Variants in DOCK7 observed in about 807,000 individuals in gnomAD.
The protein encoded by DOCK7 is dedicator of cytokinesis 7.
A neutral mutation model predicts 271.0 loss-of-function variants in DOCK7; 138 were observed. The ratio of observed to expected loss-of-function variants is 0.51; its 90% CI spans 0.44 to 0.59. The LOEUF is 0.59. Ranked by LOEUF, DOCK7 falls within the 20% of genes least tolerant of loss-of-function variation. The pLI is 0.00. For missense variants in DOCK7, 2,066 were observed against 2,592.4 expected (o/e 0.80, Z 4.41); for synonymous variants, 823 against 876.1 (o/e 0.94, Z 1.07).
In DOCK7 at chr1:62,603,597, T is replaced by A. The variant is rs537040389; in HGVS notation, c.1682+15109A>T. 1.4e-4 allele frequency among the ~76,000 whole-genome samples: 21 copies of A among 151,896 alleles called. No homozygotes were observed. In the East Asian group the frequency reaches 3.5e-3, roughly 25 times the overall value. On this transcript the variant is annotated intron_variant, in intron 14 of 49. Transcript: ENST00000635253. ...ATACTTAACACATCTCTTGACTGTA[T>A]ATGGATGTTAATAAATAGCTGACAG...
chr1:62,588,440 C>T (rs993473883), intron 14 of DOCK7, among the ~76,000 whole-genome samples: 3 of 152,148 alleles, frequency 2.0e-5, no homozygotes, highest in African/African-American at 4.8e-5. Flanking sequence ...TATAAGATCC[C>T]CCATCTTTTC....
In DOCK7 at chr1:62,656,894, G is replaced by C. The variant is rs193145306; in HGVS notation, c.145-2735C>G. ...ACATTTAGACTATAACTGCACAAAG[G>C]CCAAGTGGGGAGCTAGATTTCTTCC... On this transcript the variant is annotated intron_variant, in intron 2 of 49. Coordinates refer to ENST00000635253, the MANE Select transcript of DOCK7 (RefSeq NM_001367561.1). Among the ~76,000 whole-genome samples, 3 of 152,174 alleles carry C rather than the reference G, an allele frequency of 2.0e-5. No homozygotes were observed. The South Asian group carries it at 6.2e-4, about 32-fold the overall frequency.
chr1:62,462,070 CA>C (rs71662374), intron 48 of DOCK7, among the ~76,000 whole-genome samples: 51,556 of 133,674 alleles, frequency 0.39, 9,219 homozygotes, highest in African/African-American at 0.46. Context: ...AAACTCATCT[CA>C]AAAAAAAAAA....
At chr1:62,466,845 C>T (rs1645692072) in intron 48 of DOCK7, among the ~76,000 whole-genome samples, 1 of 151,804 alleles carries the variant, frequency 6.6e-6, no homozygotes, top group Non-Finnish European at 1.5e-5. Context: ...CACTTGAACC[C>T]GGGAGGCGAT....
intron 21 of DOCK7, among the ~76,000 whole-genome samples, chr1:62,553,894 A>G (rs1237166871): frequency 6.6e-6 from 1 of 151,768 alleles, no homozygotes; most frequent in African/African-American, 2.4e-5. Flanking sequence ...TCACTTCGGT[A>G]TAGTTGGTAT....
intron 31 of DOCK7, among the ~76,000 whole-genome samples, chr1:62,517,271 C>G (rs1018411575): frequency 6.6e-6 from 1 of 151,996 alleles, no homozygotes; most frequent in Non-Finnish European, 1.5e-5. Flanking sequence ...CCCACCATGC[C>G]AATTAAAAAA....
Position 62,633,505 on chromosome 1 carries a change from G to A in DOCK7, c.1109C>T (p.Ala370Val), listed in dbSNP as rs1269386387. 1.2e-6 allele frequency: 2 copies of A among 1,607,564 alleles called. No homozygotes were observed. The highest frequency in any genetic ancestry group is 1.3e-5 in the African/African-American group (1 of 74,850). Reference protein sequence around the residue: ...EPYMIFKEADATKNKEKLEKL... With the variant: ...EPYMIFKEADVTKNKEKLEKL... ...AGAAGCATAACATTCTACCTTGGTG[G>A]CATCTGCTTCTTTGAAAATCATATA... Residue 370 changes from alanine (A) to valine (V), a missense_variant, in exon 10 of 50, where the codon GCC (alanine) becomes GTC (valine). Physicochemically the swap from Ala to Val is moderately conservative, Grantham distance 64. Around this residue, in one of 2 missense-constraint regions of DOCK7, gnomAD observed 1,414 missense variants for 1,670.4 expected, o/e 0.85. Coordinates refer to ENST00000635253, the MANE Select transcript of DOCK7 (RefSeq NM_001367561.1).
At chr1:62,527,245 C>T (rs923522226) in intron 31 of DOCK7, among the ~76,000 whole-genome samples, 4 of 151,972 alleles carry the variant, frequency 2.6e-5, no homozygotes, top group Non-Finnish European at 5.9e-5. Context: ...TAGTAAATAT[C>T]AAGTGTTTTC....
intron 1 of DOCK7, among the ~76,000 whole-genome samples, chr1:62,687,117 T>A (rs1301886296): frequency 6.6e-6 from 1 of 152,042 alleles, no homozygotes; most frequent in Non-Finnish European, 1.5e-5. Flanking sequence ...CTAAAAAGAC[T>A]CAGAGCCACA....
rs879174656 is a variant in DOCK7 at position 62,575,614 on chromosome 1, C to T, written c.2112+1648G>A. Among the ~76,000 whole-genome samples the T allele has an allele frequency of 8.5e-5, 13 of 152,132 alleles. 1 individual carries two copies. Among genetic ancestry groups the T allele is most frequent in the Non-Finnish European group, 4.4e-5 (3 of 68,012 alleles). ...AGTTTTTAGGGAGTCAAAAGTTATA[C>T]GTGGATTTTTCAAGTGCATGCTAGG... On this transcript the variant is annotated intron_variant, in intron 18 of 49. Coordinates refer to ENST00000635253, the MANE Select transcript of DOCK7 (RefSeq NM_001367561.1).
Position 62,648,516 on chromosome 1 carries a change from G to T in DOCK7, c.418C>A (p.Pro140Thr). 3 of 1,410,260 alleles carry T rather than the reference G, an allele frequency of 2.1e-6. No homozygotes were observed. The highest frequency in any genetic ancestry group is 2.8e-6 in the Non-Finnish European group (3 of 1,056,220). 87.4% of individuals were successfully genotyped at this position (1,410,260 alleles called of 1,614,324 possible). Residue 140 changes from proline to threonine, a missense_variant, in exon 5 of 50, where the codon CCC becomes ACC. Pro to Thr is a conservative substitution (Grantham distance 38). Transcript: ENST00000635253. ...KYHKLGTGFN[P>T]NTLDKQKERQ... ...TCTTTCTGTTTATCTAATGTATTGG[G>T]ATTAAATCCTGTTCCCAATTTATGA...
Position 62,477,689 on chromosome 1 carries a change from A to G in DOCK7, c.5634+11T>C. On this transcript the variant is annotated intron_variant, in intron 44 of 49. Transcript: ENST00000635253. ...TAAAGATGACATTTTATGAACCACCACAGCATTCACCTCCAATCTGTGAGA... is the reference window on the plus strand; with the variant it reads ...TAAAGATGACATTTTATGAACCACCGCAGCATTCACCTCCAATCTGTGAGA... 1 of 1,588,994 alleles carries G rather than the reference A, an allele frequency of 6.3e-7. No homozygotes were observed. The highest frequency in any genetic ancestry group is 8.5e-7 in the Non-Finnish European group (1 of 1,170,538).
chr1:62,619,715 C>A (rs942198658), intron 13 of DOCK7, among the ~76,000 whole-genome samples, 185 bp downstream of exon 13: 25 of 151,962 alleles, frequency 1.6e-4, no homozygotes, highest in African/African-American at 5.3e-4. Context: ...ACCAAAGATG[C>A]TGAATCCTGC....
chr1:62,486,329 C>G (rs1228972296), intron 43 of DOCK7: 1 of 152,014 alleles, frequency 6.6e-6, no homozygotes, highest in Non-Finnish European at 1.5e-5. Flanking sequence ...CCAAGGTTTT[C>G]TATTTGGGTC....
intron 1 of DOCK7, among the ~76,000 whole-genome samples, chr1:62,676,223 T>C (rs997614856): frequency 6.6e-6 from 1 of 152,220 alleles, no homozygotes; most frequent in East Asian, 1.9e-4. Context: ...TACTGATATA[T>C]GCACAGATGA....
chr1:62,638,390 A>T (rs756484064), intron 7 of DOCK7: 4 of 151,902 alleles, frequency 2.6e-5, no homozygotes, highest in African/African-American at 9.7e-5. Flanking sequence ...CTATAAGATC[A>T]TAAAGATATC....
chr1:62,634,955 A>G (rs778894366), intron 8 of DOCK7, 33 bp from the exon 9 acceptor site: 91 of 1,477,636 alleles, frequency 6.2e-5, no homozygotes, highest in Non-Finnish European at 7.6e-5. Flanking sequence ...ACTTTAAAAT[A>G]TGTACATTTT....
At chr1:62,532,303 G>A (rs1468784230) in intron 29 of DOCK7, among the ~76,000 whole-genome samples, 1 of 152,114 alleles carries the variant, frequency 6.6e-6, no homozygotes, top group Non-Finnish European at 1.5e-5. Context: ...CCAAAGTGCT[G>A]AGATTGTAGG....
At chr1:62,467,945 T>C (rs1465345580) in intron 48 of DOCK7, among the ~76,000 whole-genome samples, 1 of 152,052 alleles carries the variant, frequency 6.6e-6, no homozygotes, top group Non-Finnish European at 1.5e-5. Flanking sequence ...GCAGGGATGG[T>C]TTAACATACA....
Sources: gnomAD v4.1 joint callset for allele counts (sites outside exome capture counted in the v4.1 genomes callset) on GRCh38, gnomAD v4.1.1 for gene constraint, gnomAD v4.1.1 regional missense constraint, MANE v1.5 for transcripts, NCBI Gene and HGNC (gene_info 2026-07-23, HGNC 2026-07-21) for gene names.